Variants in GRM1 observed in about 807,000 individuals in gnomAD.
The protein encoded by GRM1 is glutamate metabotropic receptor 1, also known as metabotropic glutamate receptor 1.
Under a neutral mutation model 90.9 loss-of-function variants are expected in GRM1, and 33 were observed. The ratio of observed to expected loss-of-function variants is 0.36; its 90% CI spans 0.28 to 0.49. GRM1 has a LOEUF of 0.49. GRM1 is among the 20% of genes least tolerant of loss of function. The pLI is 0.99. For missense variants in GRM1, 1,190 were observed against 1,534.3 expected, an observed-to-expected ratio of 0.78 and a Z score of 3.75; for synonymous variants, 700 against 613.2, an observed-to-expected ratio of 1.14 and a Z score of -2.09.
intron 2 of GRM1, among the ~76,000 whole-genome samples, chr6:146,287,745 A>G (rs1782817134): frequency 6.6e-6 from 1 of 152,224 alleles, no homozygotes; most frequent in South Asian, 2.1e-4. Context: ...AGAAGAGGTC[A>G]GAGTTTTACA....
chr6:146,045,134 G>A (rs961746010), intron 1 of GRM1, among the ~76,000 whole-genome samples: 18 of 151,854 alleles, frequency 1.2e-4, no homozygotes, highest in African/African-American at 2.9e-4. Flanking sequence ...CTGCAAAATC[G>A]TTTATATATG....
chr6:146,387,213 T>A (rs1776540938), intron 6 of GRM1, among the ~76,000 whole-genome samples, 197 bp downstream of exon 6: 1 of 152,134 alleles, frequency 6.6e-6, no homozygotes, highest in Non-Finnish European at 1.5e-5. Flanking sequence ...TTCATGTAAA[T>A]CTAAATAACA....
At chr6:146,133,897 T>C (rs1053262367) in intron 1 of GRM1, among the ~76,000 whole-genome samples, 5 of 152,192 alleles carry the variant, frequency 3.3e-5, no homozygotes, top group African/African-American at 1.2e-4. Flanking sequence ...AAAAGTAATA[T>C]CTTGATAATG....
At chr6:146,087,773 G>A (rs1203652527) in intron 1 of GRM1, among the ~76,000 whole-genome samples, 1 of 152,166 alleles carries the variant, frequency 6.6e-6, no homozygotes, top group East Asian at 1.9e-4. Context: ...TGCCTCAAAA[G>A]TTCATTCCTT....
intron 5 of GRM1, among the ~76,000 whole-genome samples, chr6:146,384,402 T>A (rs1318872742): frequency 1.3e-5 from 2 of 152,038 alleles, no homozygotes; most frequent in African/African-American, 4.8e-5. Context: ...TCTTGGAAGG[T>A]CATGTCTTAA....
chr6:146,353,944 T>TAA (rs979861152), intron 4 of GRM1, among the ~76,000 whole-genome samples: 1 of 152,166 alleles, frequency 6.6e-6, no homozygotes, highest in Non-Finnish European at 1.5e-5. Context: ...GCAACCTTCT[T>TAA]AATGTCATTT....
intron 5 of GRM1, among the ~76,000 whole-genome samples, chr6:146,362,998 A>G (rs1775549087): frequency 6.6e-6 from 1 of 152,124 alleles, no homozygotes; most frequent in Non-Finnish European, 1.5e-5. Flanking sequence ...TTGGAACGTT[A>G]AATGTGCCCA....
intron 2 of GRM1, among the ~76,000 whole-genome samples, chr6:146,187,553 A>G (rs1402430069): frequency 2.0e-5 from 3 of 152,072 alleles, no homozygotes; most frequent in Non-Finnish European, 4.4e-5. Flanking sequence ...CCATGGCAAA[A>G]GATCATATTC....
chr6:146,035,051 A>G (rs548598337), intron 1 of GRM1, among the ~76,000 whole-genome samples: 1 of 152,096 alleles, frequency 6.6e-6, no homozygotes, highest in East Asian at 1.9e-4. Context: ...GCAATTATCT[A>G]GAGAAAACCT....
chr6:146,428,594 G>A (rs1180148680), intron 7 of GRM1, among the ~76,000 whole-genome samples: 1 of 152,162 alleles, frequency 6.6e-6, no homozygotes, highest in Non-Finnish European at 1.5e-5. Flanking sequence ...GTAGCACAAA[G>A]TATAGAAGAA....
At chr6:146,260,999 T>G (rs576931772) in intron 2 of GRM1, among the ~76,000 whole-genome samples, 1 of 152,006 alleles carries the variant, frequency 6.6e-6, no homozygotes, top group African/African-American at 2.4e-5. Context: ...AAGCCATTAA[T>G]TGAAATTTTT....
intron 2 of GRM1, chr6:146,171,638 C>A: frequency 3.8e-6 from 1 of 260,048 alleles, no homozygotes. Flanking sequence ...TCTCCTTCAG[C>A]TTGCAAGTCA....
intron 2 of GRM1, among the ~76,000 whole-genome samples, chr6:146,202,540 C>T (rs764154787): frequency 6.6e-6 from 1 of 152,134 alleles, no homozygotes; most frequent in Non-Finnish European, 1.5e-5. Flanking sequence ...ATTCTTAACA[C>T]GATGGAGGTT....
At chr6:146,063,951 C>G (rs973009199) in intron 1 of GRM1, among the ~76,000 whole-genome samples, 1 of 152,138 alleles carries the variant, frequency 6.6e-6, no homozygotes, top group Non-Finnish European at 1.5e-5. Flanking sequence ...AATCTGGAAA[C>G]TATGCATTAT....
intron 5 of GRM1, among the ~76,000 whole-genome samples, chr6:146,368,932 T>C (rs561045720): frequency 9.9e-5 from 15 of 152,146 alleles, no homozygotes; most frequent in East Asian, 1.9e-4. Flanking sequence ...ATACTGGTCT[T>C]CTTTAAAAGT....
At chr6:146,311,575 CAT>C (rs1187710791) in intron 3 of GRM1, among the ~76,000 whole-genome samples, 1 of 152,214 alleles carries the variant, frequency 6.6e-6, no homozygotes, top group Non-Finnish European at 1.5e-5. Flanking sequence ...CCACTAGCCA[CAT>C]GTGTCTATTT....
At position 146,392,050 on chromosome 6, in the gene GRM1, G is replaced by C. The variant is rs541848580; in HGVS notation, c.1729+5034G>C. Among the ~76,000 whole-genome samples, 3 of 152,260 alleles carry C rather than the reference G, an allele frequency of 2.0e-5. No homozygotes were observed. The East Asian group carries it at 5.8e-4, about 29-fold the overall frequency. ...TATGATTATCCTTGGAGAGGCCTTA[G>C]TATCTGTCCTTGACTATTGTCCTCA... On this transcript the variant is annotated intron_variant, in intron 6 of 7. Coordinates refer to ENST00000282753, the MANE Select transcript of GRM1 (RefSeq NM_001278064.2).
rs7751495 is a variant in GRM1, at chr6:146,115,650, A to G, written c.701-43698A>G. ...CTTCCCATTCATATAGGTCTGGCATATTTTTGGTGTTTATTTCTAGGAGTT... is the reference window on the plus strand; with the variant it reads ...CTTCCCATTCATATAGGTCTGGCATGTTTTTGGTGTTTATTTCTAGGAGTT... On this transcript the variant is annotated intron_variant, in intron 1 of 7. Transcript: ENST00000282753. 1.8e-3 allele frequency among the ~76,000 whole-genome samples: 270 copies of G among 152,174 alleles called. 1 individual carries two copies. The highest frequency in any genetic ancestry group is 6.2e-3 in the African/African-American group (257 of 41,534).
chr6:146,195,936 A>G (rs575081468), intron 2 of GRM1, among the ~76,000 whole-genome samples: 109 of 152,340 alleles, frequency 7.2e-4, no homozygotes, highest in Non-Finnish European at 1.0e-3. Context: ...AGAGATAGCT[A>G]TGAAAAGGGA....
Sources: allele counts gnomAD v4.1 joint callset (sites outside exome capture counted in the v4.1 genomes callset), GRCh38; gene constraint gnomAD v4.1.1; transcripts MANE v1.5; gene names NCBI Gene and HGNC (gene_info 2026-07-23, HGNC 2026-07-21).